The following ACACA variants were observed in gnomAD, a reference collection of about 807,000 sequenced individuals.
ACACA encodes the protein acetyl-CoA carboxylase alpha.
In ACACA, 103 loss-of-function variants were observed where a neutral mutation model predicts 296.1. The ratio of observed to expected loss-of-function variants is 0.35; its 90% CI spans 0.30 to 0.41. The LOEUF (loss-of-function observed/expected upper bound fraction) is 0.41, where lower values mean the gene tolerates loss of function less well. ACACA is among the 10% of genes least tolerant of loss of function. ACACA has a pLI of 1.00. For missense variants in ACACA, 1,554 were observed against 2,989.7 expected, an observed-to-expected ratio of 0.52 and a Z score of 11.20; for synonymous variants, 953 against 1,038.6, an observed-to-expected ratio of 0.92 and a Z score of 1.58.
chr17:37,332,409 A>G (rs2047925470), intron 2 of ACACA, among the ~76,000 whole-genome samples: 1 of 152,072 alleles, frequency 6.6e-6, no homozygotes, highest in Admixed American at 6.5e-5. Context: ...CAAAAATCCT[A>G]TTTTAAAATT....
At chr17:37,381,672 G>T (rs2050269472) in intron 1 of ACACA, among the ~76,000 whole-genome samples, 1 of 141,986 alleles carries the variant, frequency 7.0e-6, no homozygotes. Flanking sequence ...CCGTTGCCCA[G>T]GCTGGAGTGC....
At chr17:37,179,217 G>A in intron 41 of ACACA, 43 bp downstream of exon 41, 1 of 1,613,340 alleles carries the variant, frequency 6.2e-7, no homozygotes, top group Non-Finnish European at 8.5e-7. Context: ...TGGTACTAGT[G>A]GGCACAGAGA....
chr17:37,262,804 A>G (rs769332814), intron 11 of ACACA, among the ~76,000 whole-genome samples: 3 of 152,154 alleles, frequency 2.0e-5, no homozygotes, highest in Non-Finnish European at 4.4e-5. Flanking sequence ...ATCAAGGCTC[A>G]CTGCAGCTTT....
At chr17:37,263,942 CT>C in intron 10 of ACACA, 48 bp from the exon 11 acceptor site, 1 of 1,512,248 alleles carries the variant, frequency 6.6e-7, no homozygotes, top group Non-Finnish European at 9.1e-7. Context: ...AAATTTTAAA[CT>C]TTTTATCTAT....
chr17:37,311,027 G>A (rs988465130), intron 3 of ACACA, among the ~76,000 whole-genome samples: 5 of 152,088 alleles, frequency 3.3e-5, no homozygotes, highest in African/African-American at 1.2e-4. Flanking sequence ...CACTTGTATG[G>A]AACTGTTGAG....
chr17:37,123,136 C>T (rs1034601906), intron 48 of ACACA, among the ~76,000 whole-genome samples: 2 of 152,078 alleles, frequency 1.3e-5, no homozygotes, highest in African/African-American at 4.8e-5. Flanking sequence ...TTTGAGGGTA[C>T]AATAGGTCTT....
chr17:37,153,514 T>G (rs1454247333), intron 43 of ACACA, among the ~76,000 whole-genome samples: 1 of 152,192 alleles, frequency 6.6e-6, no homozygotes, highest in African/African-American at 2.4e-5. Context: ...ATTTTTGAAG[T>G]TTCTGTGAAA....
Position 37,334,352 on chromosome 17 carries a change from G to A in ACACA, c.86-3927C>T, listed in dbSNP as rs552955926. ...ACAGGTTCTTAAAACATTACAGGGAGCCTGTCCCCAAGAAGAGGGAAAGGA... is the reference window on the plus strand; with the variant it reads ...ACAGGTTCTTAAAACATTACAGGGAACCTGTCCCCAAGAAGAGGGAAAGGA... On this transcript the variant is annotated intron_variant, in intron 2 of 55. Coordinates refer to ENST00000616317, the MANE Select transcript of ACACA (RefSeq NM_198834.3). Among the ~76,000 whole-genome samples, 4 of 152,084 alleles carry A rather than the reference G, an allele frequency of 2.6e-5. No individual in the cohort carries two copies. In the East Asian group the frequency reaches 7.7e-4, roughly 29 times the overall value.
At chr17:37,178,302 TG>T (rs1161305922) in intron 41 of ACACA, among the ~76,000 whole-genome samples, 8 of 152,272 alleles carry the variant, frequency 5.3e-5, no homozygotes, top group South Asian at 2.1e-4. Flanking sequence ...AATGCATTCT[TG>T]GGATAATTAT....
intron 1 of ACACA, among the ~76,000 whole-genome samples, chr17:37,400,878 A>G (rs535446732): frequency 6.6e-6 from 1 of 152,308 alleles, no homozygotes; most frequent in Admixed American, 6.5e-5. Context: ...ATACCTTGAC[A>G]TGCAGATATC....
intron 29 of ACACA, among the ~76,000 whole-genome samples, chr17:37,211,813 G>C (rs1402121749): frequency 1.3e-5 from 2 of 152,212 alleles, no homozygotes; most frequent in Non-Finnish European, 2.9e-5. Flanking sequence ...CTGTATCACA[G>C]AGTGAATTCA....
chr17:37,225,601 T>A (rs2590729), intron 26 of ACACA: 31,095 of 184,838 alleles, frequency 0.17, 3,485 homozygotes, highest in Admixed American at 0.33. Context: ...GTAACACCAG[T>A]GTGTGTGAGG....
At chr17:37,253,847 C>A (rs2081105032) in intron 14 of ACACA, among the ~76,000 whole-genome samples, 1 of 152,140 alleles carries the variant, frequency 6.6e-6, no homozygotes, top group Non-Finnish European at 1.5e-5. Context: ...GATTTCCATA[C>A]AGTAAAGCAA....
rs867079443 is a variant in ACACA at position 37,299,099 on chromosome 17, T to C, written c.339-14129A>G. Among the ~76,000 whole-genome samples the C allele has an allele frequency of 7.2e-5, 11 of 152,174 alleles. 1 individual carries two copies. The Middle Eastern group carries it at 0.01, about 141-fold the overall frequency. ...TTTTATTCAAATTCCCAATATAAAA[T>C]AAAGGTTTAGACATTCAGGAGCCAA... On this transcript the variant is annotated intron_variant, in intron 3 of 55. Transcript: ENST00000616317.
intron 35 of ACACA, among the ~76,000 whole-genome samples, chr17:37,199,218 C>T (rs1041753762): frequency 4.2e-5 from 6 of 144,404 alleles, no homozygotes; most frequent in East Asian, 2.0e-4. Context: ...CCAGCCTGGG[C>T]GACTAAGCAA....
chr17:37,236,045 A>T (rs2080095825), intron 24 of ACACA, among the ~76,000 whole-genome samples: 1 of 152,214 alleles, frequency 6.6e-6, no homozygotes, highest in Non-Finnish European at 1.5e-5. Context: ...AATTTTATGA[A>T]ATCATGAAAA....
chr17:37,203,433 C>T (rs962360893), intron 33 of ACACA, among the ~76,000 whole-genome samples: 1 of 151,940 alleles, frequency 6.6e-6, no homozygotes, highest in African/African-American at 2.4e-5. Flanking sequence ...GCAGCAGCAG[C>T]AGCCACATAT....
In ACACA at chr17:37,329,992, T is replaced by C. The variant is rs148876678; in HGVS notation, c.338+181A>G. Reference sequence around the variant, plus strand: ...ACCTAGTAGGACATGAAAAATTTGATGGGAACATACATGATTTCTGAAAAA... The same window carrying C: ...ACCTAGTAGGACATGAAAAATTTGACGGGAACATACATGATTTCTGAAAAA... On this transcript the variant is annotated intron_variant, in intron 3 of 55. Transcript: ENST00000616317. 3.3e-5 allele frequency among the ~76,000 whole-genome samples: 5 copies of C among 152,212 alleles called. No homozygotes were observed. The East Asian group carries it at 9.6e-4, about 29-fold the overall frequency.
rs544544121 is a variant in ACACA at position 37,406,438 on chromosome 17, C to T, written c.-139G>A. On this transcript the variant is annotated 5_prime_UTR_variant, in exon 1 of 56. Coordinates refer to ENST00000616317, the MANE Select transcript of ACACA (RefSeq NM_198834.3). The stretch of plus-strand genomic sequence containing the variant: ...ACCCCTTAAAATCAGTCTGGTTCAT[C>T]CACGAGCAGCCCTTCGGGGCCCGGA... The T allele has an allele frequency of 3.3e-4, 322 of 976,274 alleles. 4 individuals carry two copies. In the South Asian group the frequency reaches 4.1e-3, roughly 12 times the overall value. 60.5% of individuals were successfully genotyped at this position (976,274 alleles called of 1,614,324 possible).
Sources: allele counts gnomAD v4.1 joint callset (sites outside exome capture counted in the v4.1 genomes callset), GRCh38; gene constraint gnomAD v4.1.1; transcripts MANE v1.5; gene names NCBI Gene and HGNC (gene_info 2026-07-23, HGNC 2026-07-21).